Variants in TNS3 observed in about 807,000 individuals in gnomAD.
TNS3 encodes the protein tensin 3.
Under a neutral mutation model 140.9 loss-of-function variants are expected in TNS3, and 45 were observed. That is an observed-to-expected ratio of 0.32 (90% CI 0.25 to 0.41). The LOEUF (loss-of-function observed/expected upper bound fraction) is 0.41, where lower values mean the gene tolerates loss of function less well. Among genes scored for constraint, TNS3 ranks in the 10% least tolerant of loss-of-function variants. TNS3 has a pLI of 1.00. For missense variants in TNS3, 1,716 were observed against 1,906.7 expected, an observed-to-expected ratio of 0.90 and a Z score of 1.86; for synonymous variants, 815 against 788.4, an observed-to-expected ratio of 1.03 and a Z score of -0.56.
chr7:47,357,449 C>A (rs1468496620), intron 17 of TNS3, among the ~76,000 whole-genome samples: 1 of 152,106 alleles, frequency 6.6e-6, no homozygotes, highest in African/African-American at 2.4e-5. Context: ...ACAAGGATGC[C>A]CCAACACTCC....
intron 15 of TNS3, 36 bp from the exon 16 acceptor site, chr7:47,396,940 GA>G: frequency 6.6e-7 from 1 of 1,518,810 alleles, no homozygotes. Context: ...TAGTCCCAGT[GA>G]AACCCATCAC....
intron 20 of TNS3, among the ~76,000 whole-genome samples, chr7:47,327,008 T>C (rs149100051): frequency 6.6e-6 from 1 of 151,760 alleles, no homozygotes; most frequent in Non-Finnish European, 1.5e-5. Context: ...ACACACACGC[T>C]GTGTCGGCTG....
intron 15 of TNS3, among the ~76,000 whole-genome samples, chr7:47,399,298 T>A (rs1793018283): frequency 6.6e-6 from 1 of 151,754 alleles, no homozygotes; most frequent in African/African-American, 2.4e-5. Flanking sequence ...AATACTAATA[T>A]CATTCTTCAC....
At chr7:47,507,222 T>C (rs2151882884) in intron 2 of TNS3, among the ~76,000 whole-genome samples, 1 of 152,238 alleles carries the variant, frequency 6.6e-6, no homozygotes, top group East Asian at 1.9e-4. Context: ...CATGAGCAGA[T>C]TGGTTTTTCA....
At position 47,389,109 on chromosome 7, in the gene TNS3, C is replaced by CAGAAGAAGA. The variant is rs140799405; in HGVS notation, c.1024+7682_1024+7690dup. Among the ~76,000 whole-genome samples the CAGAAGAAGA allele has an allele frequency of 1.8e-3, 108 of 59,130 alleles. 26 individuals are homozygous for CAGAAGAAGA. The highest frequency in any genetic ancestry group is 6.6e-3 in the African/African-American group (97 of 14,762). 38.8% of individuals were successfully genotyped at this position (59,130 alleles called of 152,430 possible). On this transcript the variant is annotated intron_variant, in intron 16 of 30. Transcript: ENST00000311160. ...GAGGAAGAGGAAGAGGAAGCGGAAG[C>CAGAAGAAGA]AGAAGAAGAAGAAGAAGAAGAAGAA... is the stretch of plus-strand genomic sequence containing the variant.
chr7:47,404,861 G>T (rs1793357041), intron 13 of TNS3, among the ~76,000 whole-genome samples: 1 of 152,036 alleles, frequency 6.6e-6, no homozygotes, highest in African/African-American at 2.4e-5. Context: ...TCCAGCCTGG[G>T]TGACAGAGAG....
chr7:47,522,439 G>A (rs1248191228), intron 2 of TNS3, among the ~76,000 whole-genome samples: 2 of 152,210 alleles, frequency 1.3e-5, no homozygotes, highest in East Asian at 1.9e-4. Flanking sequence ...TATCTCAGCC[G>A]CCTCAGCCTA....
chr7:47,284,346 A>C (rs1015323454), intron 27 of TNS3, among the ~76,000 whole-genome samples: 7 of 152,166 alleles, frequency 4.6e-5, no homozygotes, highest in Non-Finnish European at 1.0e-4. Flanking sequence ...CCTGGTTGCC[A>C]AGAGAAGGAA....
chr7:47,536,683 C>T (rs1213851995), intron 1 of TNS3, among the ~76,000 whole-genome samples: 2 of 152,216 alleles, frequency 1.3e-5, no homozygotes, highest in African/African-American at 4.8e-5. Flanking sequence ...AGAAGACGCC[C>T]CCACTAGGCA....
At position 47,277,640 on chromosome 7, in the gene TNS3, G is replaced by A. The variant is rs1584292006; in HGVS notation, c.*436C>T. On this transcript the variant is annotated 3_prime_UTR_variant, in exon 31 of 31. Transcript: ENST00000311160. Reference sequence around the variant, plus strand: ...AGGGAAACCCCCGGCCTCGGGTGCAGCTGGACAGAAGCGCCCATGCGGACG... The same window carrying A: ...AGGGAAACCCCCGGCCTCGGGTGCAACTGGACAGAAGCGCCCATGCGGACG... 2 of 254,670 alleles carry A rather than the reference G, an allele frequency of 7.9e-6. No homozygotes were observed. The highest frequency in any genetic ancestry group is 1.5e-5 in the Non-Finnish European group (2 of 129,720). The allele number at this position is 254,670 out of a possible 1,614,324, so 15.8% of individuals were successfully genotyped here. A position where few individuals can be genotyped will look rare whatever the true frequency, so the allele number is the denominator to read the frequency against.
At chr7:47,312,961 C>A (rs996120191) in intron 20 of TNS3, among the ~76,000 whole-genome samples, 2 of 152,098 alleles carry the variant, frequency 1.3e-5, no homozygotes, top group Non-Finnish European at 2.9e-5. Flanking sequence ...CTACACCAGC[C>A]GGAGAACGGA....
At chr7:47,483,124 C>G (rs1183434915) in intron 3 of TNS3, among the ~76,000 whole-genome samples, 1 of 151,564 alleles carries the variant, frequency 6.6e-6, no homozygotes, top group Non-Finnish European at 1.5e-5. Context: ...AAATGTACCA[C>G]AGGAATGGAA....
At chr7:47,459,982 A>G (rs968740937) in intron 4 of TNS3, among the ~76,000 whole-genome samples, 2 of 152,164 alleles carry the variant, frequency 1.3e-5, no homozygotes, top group African/African-American at 4.8e-5. Context: ...GCCCTAATCC[A>G]GTATGAGTGG....
chr7:47,295,145 C>T (rs886866721), intron 24 of TNS3, among the ~76,000 whole-genome samples: 4 of 152,210 alleles, frequency 2.6e-5, no homozygotes, highest in African/African-American at 7.2e-5. Context: ...CAACAACACT[C>T]GGTTTCCTCA....
intron 1 of TNS3, among the ~76,000 whole-genome samples, chr7:47,554,030 C>G (rs1800129286): frequency 6.6e-6 from 1 of 151,702 alleles, no homozygotes; most frequent in South Asian, 2.1e-4. Context: ...GTCTCGAACG[C>G]CTGACCTCAG....
chr7:47,533,078 A>G (rs1217129136), intron 1 of TNS3, among the ~76,000 whole-genome samples: 1 of 142,638 alleles, frequency 7.0e-6, no homozygotes, highest in Admixed American at 7.1e-5. Flanking sequence ...TATCTCAATT[A>G]TAAGTCAACA....
intron 9 of TNS3, among the ~76,000 whole-genome samples, chr7:47,427,124 A>C (rs1265808872): frequency 1.0e-4 from 1 of 9,734 alleles, no homozygotes; most frequent in African/African-American, 2.0e-4. Flanking sequence ...AGACTCTGTC[A>C]AAAAAAAAAA....
chr7:47,500,635 T>C lies in TNS3; in HGVS notation c.-115+6272A>G, dbSNP rs149080018. ...TCTCATGACATCCCTAAAAATCCTA[T>C]GCTCAAATGAAGAAGCTGAGTTCAG... is the stretch of plus-strand genomic sequence containing the variant. On this transcript the variant is annotated intron_variant, in intron 3 of 30. Transcript: ENST00000311160. Among the ~76,000 whole-genome samples the C allele has an allele frequency of 4.3e-3, 650 of 152,326 alleles. 5 individuals carry two copies. Among genetic ancestry groups the C allele is most frequent in the African/African-American group, 0.015 (608 of 41,574 alleles).
intron 1 of TNS3, among the ~76,000 whole-genome samples, chr7:47,560,639 G>A (rs555846159): frequency 1.3e-5 from 2 of 152,218 alleles, no homozygotes; most frequent in Admixed American, 1.3e-4. Context: ...CCTCGAACTG[G>A]GATCCCAGCA....
Sources: gnomAD v4.1 joint callset for allele counts (sites outside exome capture counted in the v4.1 genomes callset) on GRCh38, gnomAD v4.1.1 for gene constraint, MANE v1.5 for transcripts, NCBI Gene and HGNC (gene_info 2026-07-23, HGNC 2026-07-21) for gene names.